Variants in NT5DC2 observed in about 807,000 individuals in gnomAD.
NT5DC2 encodes the protein 5'-nucleotidase domain-containing protein 2.
A neutral mutation model predicts 70.0 loss-of-function variants in NT5DC2; 41 were observed. That is an observed-to-expected ratio of 0.59 (90% confidence interval 0.46 to 0.76). The LOEUF is 0.76. Ranked by LOEUF, NT5DC2 falls within the 30% of genes least tolerant of loss-of-function variation. The pLI, the probability that NT5DC2 is intolerant of heterozygous loss-of-function variation, is 0.00. For missense variants in NT5DC2, 705 were observed against 783.2 expected (o/e 0.90, Z 1.19); for synonymous variants, 299 against 310.4 (o/e 0.96, Z 0.39).
At chr3:52,526,017 A>G (rs566455345) in intron 10 of NT5DC2, 3 of 151,724 alleles carry the variant, frequency 2.0e-5, no homozygotes, top group South Asian at 2.1e-4. Flanking sequence ...GACCAAGAGA[A>G]AGAGTCTCAA....
intron 11 of NT5DC2, 34 bp downstream of exon 11, chr3:52,525,175 C>A: frequency 1.3e-6 from 2 of 1,593,752 alleles, no homozygotes; most frequent in East Asian, 2.3e-5. Flanking sequence ...TTTCCTGGCC[C>A]TCCCCCACTG....
rs1012592608 is a variant in NT5DC2 at position 52,524,477 on chromosome 3, A to G, written c.1667T>C (p.Ile556Thr). The G allele has an allele frequency of 3.7e-6, 6 of 1,612,672 alleles. No individual in the cohort carries two copies. Among genetic ancestry groups the G allele is most frequent in the Non-Finnish European group, 5.1e-6 (6 of 1,179,996 alleles). The change falls in exon 14 of 14, where the codon ATC (isoleucine) becomes ACC (threonine). Residue 556 changes from isoleucine to threonine, a missense_variant. Physicochemically the swap from Ile to Thr is moderately conservative, Grantham distance 89. Transcript: ENST00000422318. ...KTPFLGDMAH[I>T]R ...CAGACAATAAAGGTGCCCTCAGCGGATGTGGGCCATGTCACCAAGGAAGGG... is the reference window on the plus strand; with the variant it reads ...CAGACAATAAAGGTGCCCTCAGCGGGTGTGGGCCATGTCACCAAGGAAGGG...
In NT5DC2 at chr3:52,531,730, CCCT is replaced by C. The variant is rs1316565127; in HGVS notation, c.232+1773_232+1775del. Reference sequence around the variant, plus strand: ...TCCCACTCAGCATGTCCAGCAATTGCCCTCCTTTCTCCTCAGCCCTAGCTCCCA... The same window carrying C: ...TCCCACTCAGCATGTCCAGCAATTGCCCTTTCTCCTCAGCCCTAGCTCCCA... On this transcript the variant is annotated intron_variant, in intron 1 of 13. Transcript: ENST00000422318. The surrounding 1 kb of genome is among the most constrained non-coding windows in gnomAD (Gnocchi z 4.1). Among the ~76,000 whole-genome samples, 1 of 151,934 alleles carries C rather than the reference CCCT, an allele frequency of 6.6e-6. No individual in the cohort carries two copies. The highest frequency in any genetic ancestry group is 2.4e-5 in the African/African-American group (1 of 41,316).
Position 52,524,473 on chromosome 3 carries a change from G to A in NT5DC2, c.1671C>T (p.Arg557=). 3.1e-6 allele frequency: 5 copies of A among 1,612,818 alleles called. No individual in the cohort carries two copies. The highest frequency in any genetic ancestry group is 4.2e-6 in the Non-Finnish European group (5 of 1,180,000). The change falls in exon 14 of 14, where the codon CGC becomes CGT. Residue 557 remains arginine, a synonymous_variant. Transcript: ENST00000422318. ...GTCCCAGACAATAAAGGTGCCCTCA[G>A]CGGATGTGGGCCATGTCACCAAGGA... The part of the protein sequence containing the change: ...TPFLGDMAHI[R]
chr3:52,526,802 G>A (rs1459686352), intron 10 of NT5DC2, among the ~76,000 whole-genome samples: 5 of 152,154 alleles, frequency 3.3e-5, no homozygotes, highest in Non-Finnish European at 7.3e-5. Context: ...TGGGACCACA[G>A]GTGCATGCTA....
rs748911994 is a variant in NT5DC2 at position 52,525,310 on chromosome 3, G to C, written c.1120-15C>G. 54 of 1,604,740 alleles carry C rather than the reference G, an allele frequency of 3.4e-5. No individual in the cohort carries two copies. In the South Asian group the frequency reaches 5.1e-4, roughly 15 times the overall value. Reference sequence around the variant, plus strand: ...AACAGGTTTCCCTAGGGAGAGGAGGGGAATGCTGCTGAGCCAAGTGTGCCT... The same window carrying C: ...AACAGGTTTCCCTAGGGAGAGGAGGCGAATGCTGCTGAGCCAAGTGTGCCT... On this transcript the variant is annotated splice_polypyrimidine_tract_variant and intron_variant, in intron 10 of 13. Transcript: ENST00000422318.
chr3:52,528,984 G>T (rs758735684), intron 2 of NT5DC2, 49 bp from the exon 3 acceptor site: 1 of 1,597,874 alleles, frequency 6.3e-7, no homozygotes, highest in East Asian at 2.2e-5. Context: ...TGCCAGACCT[G>T]CTGGCTGGGT....
At chr3:52,527,476 C>T in intron 9 of NT5DC2, 101 bp from the exon 10 acceptor site, 2 of 1,475,292 alleles carry the variant, frequency 1.4e-6, no homozygotes, top group Non-Finnish European at 1.9e-6. Flanking sequence ...TCAAGTGGAC[C>T]CATGCCAGCA....
chr3:52,532,123 G>A lies in NT5DC2; in HGVS notation c.232+1383C>T, dbSNP rs2079369902. 10 of 954,080 alleles carry A rather than the reference G, an allele frequency of 1.0e-5. No individual in the cohort carries two copies. In the East Asian group the frequency reaches 3.5e-4, roughly 33 times the overall value. The allele number at this position is 954,080 out of a possible 1,614,324, so 59.1% of individuals were successfully genotyped here. ...TGGGCATTAGCCCAAAGCGGACCTC[G>A]GCGCCCAGAGGTGTGAAGCTGGCTC... On this transcript the variant is annotated intron_variant, in intron 1 of 13. Coordinates refer to ENST00000422318, the MANE Select transcript of NT5DC2 (RefSeq NM_001134231.2).
chr3:52,528,768 C>T (rs2079318692), intron 3 of NT5DC2, 76 bp from the exon 4 acceptor site: 1 of 1,604,178 alleles, frequency 6.2e-7, no homozygotes, highest in Admixed American at 1.7e-5. Context: ...TCTTTCAGCC[C>T]ATGCCAGAAC....
In NT5DC2 at chr3:52,524,682, T is replaced by C. The variant is rs747773158; in HGVS notation, c.1462A>G (p.Thr488Ala). The C allele has an allele frequency of 2.5e-6, 4 of 1,612,714 alleles. No individual in the cohort carries two copies. In the Admixed American group the frequency reaches 6.7e-5, roughly 27 times the overall value. ...GAGAAGTAGGTGGGGTTGTGGAAGG[T>C]GCGGAAGATGCTGCCGAACTGCGCA... Reference protein sequence around the residue: ...FNAQFGSIFRTFHNPTYFSRR... With the variant: ...FNAQFGSIFRAFHNPTYFSRR... The change falls in exon 14 of 14, where the codon ACC (threonine) becomes GCC (alanine). Residue 488 changes from threonine to alanine, a missense_variant. Thr to Ala is a moderately conservative substitution (Grantham distance 58). Coordinates refer to ENST00000422318, the MANE Select transcript of NT5DC2 (RefSeq NM_001134231.2).
At chr3:52,527,422 C>A (rs367775315) in intron 9 of NT5DC2, 47 bp from the exon 10 acceptor site, 28 of 1,595,992 alleles carry the variant, frequency 1.8e-5, no homozygotes, top group Non-Finnish European at 2.4e-5. Context: ...GGCTGGGCCA[C>A]GGGCCGGGCA....
At chr3:52,525,438 T>G (rs1209483276) in intron 10 of NT5DC2, 143 bp from the exon 11 acceptor site, 2 of 638,814 alleles carry the variant, frequency 3.1e-6, no homozygotes, top group African/African-American at 1.8e-5. Flanking sequence ...CCCTGGGCCC[T>G]GGTTCTTGTC....
intron 11 of NT5DC2, 42 bp from the exon 12 acceptor site, chr3:52,525,145 TGGGGGC>T: frequency 2.0e-6 from 1 of 512,298 alleles, no homozygotes; most frequent in Non-Finnish European, 2.6e-6. Flanking sequence ...CGCCAGTTGC[TGGGGGC>T]GGGGGGGGGG....
Position 52,524,824 on chromosome 3 carries a change from C to T in NT5DC2, c.1405G>A (p.Glu469Lys). The change falls in exon 13 of 14, where the codon GAG (glutamate) becomes AAG (lysine). Residue 469 changes from glutamate to lysine, a missense_variant. Physicochemically the swap from Glu to Lys is moderately conservative, Grantham distance 56. Coordinates refer to ENST00000422318, the MANE Select transcript of NT5DC2 (RefSeq NM_001134231.2). Reference sequence around the variant, plus strand: ...CTGGCCCCACCTGCTCACCTCAGCTCCTGCCGCTCTTTCATCCAGGCAGCC... The same window carrying T: ...CTGGCCCCACCTGCTCACCTCAGCTTCTGCCGCTCTTTCATCCAGGCAGCC... ...VLAAWMKERQ[E>K]LRCITKALFN... The T allele has an allele frequency of 6.2e-7, 1 of 1,612,662 alleles. No homozygotes were observed. The highest frequency in any genetic ancestry group is 1.1e-5 in the South Asian group (1 of 91,078).
At chr3:52,533,435 C>G (rs917852718) in intron 1 of NT5DC2, 71 bp downstream of exon 1, 361 of 1,424,424 alleles carry the variant, frequency 2.5e-4, no homozygotes, top group Non-Finnish European at 2.8e-4. Flanking sequence ...GGAGCGGCAC[C>G]CTGGGGCTCG....
chr3:52,525,709 G>T (rs1036333888), intron 10 of NT5DC2: 6 of 180,648 alleles, frequency 3.3e-5, no homozygotes, highest in Admixed American at 5.9e-5. Flanking sequence ...GCATCTTGGA[G>T]CCAGAGAAAG....
At chr3:52,525,489 A>C (rs2079246417) in intron 10 of NT5DC2, 194 bp from the exon 11 acceptor site, 1 of 604,632 alleles carries the variant, frequency 1.7e-6, no homozygotes. Context: ...TGCCTGCTGC[A>C]GGAAGGTGCC....
At chr3:52,528,127 C>T in intron 6 of NT5DC2, 54 bp from the exon 7 acceptor site, 1 of 1,613,004 alleles carries the variant, frequency 6.2e-7, no homozygotes, top group Non-Finnish European at 8.5e-7. Context: ...GGGGCTGTCC[C>T]ACTGTGGCTG....
Sources: allele counts gnomAD v4.1 joint callset (sites outside exome capture counted in the v4.1 genomes callset), GRCh38; gene constraint gnomAD v4.1.1; non-coding constraint Gnocchi (gnomAD v3.1); transcripts MANE v1.5; gene names NCBI Gene and HGNC (gene_info 2026-07-23, HGNC 2026-07-21).